The following ASCC3 variants were observed in gnomAD, a reference collection of about 807,000 sequenced individuals.
ASCC3 encodes the protein activating signal cointegrator 1 complex subunit 3.
ASCC3 carries 158 observed loss-of-function variants against 256.3 expected under a neutral mutation model. That is an observed-to-expected ratio of 0.62 (90% CI 0.54 to 0.70). ASCC3 has a LOEUF of 0.70. Ranked by LOEUF, ASCC3 falls within the 30% of genes least tolerant of loss-of-function variation. The probability of loss-of-function intolerance (pLI) is 0.00; values close to 1 mark genes in which losing one functional copy is unlikely to be tolerated. For synonymous variants in ASCC3, 948 were observed against 883.4 expected, an observed-to-expected ratio of 1.07 and a Z score of -1.30; for missense variants, 2,259 against 2,626.0, an observed-to-expected ratio of 0.86 and a Z score of 3.05.
intron 4 of ASCC3, among the ~76,000 whole-genome samples, chr6:100,821,769 A>G (rs1296351160): frequency 6.6e-6 from 1 of 152,130 alleles, no homozygotes; most frequent in Non-Finnish European, 1.5e-5. Flanking sequence ...GGTTGTAGTA[A>G]GCCAAGATTG....
Position 100,627,693 on chromosome 6 carries a change from G to C in ASCC3, c.4539C>G (p.Phe1513Leu). 6.2e-7 allele frequency: 1 copy of C among 1,613,612 alleles called. No homozygotes were observed. Among genetic ancestry groups the C allele is most frequent in the Non-Finnish European group, 8.5e-7 (1 of 1,179,770 alleles). Residue 1513 changes from phenylalanine (F) to leucine (L), a missense_variant, in exon 29 of 42, where the codon TTC becomes TTG. Phe to Leu is a conservative substitution (Grantham distance 22, BLOSUM62 0). Around this residue, in one of 2 missense-constraint regions of ASCC3, gnomAD observed 1,839 missense variants for 2,206.7 expected, o/e 0.83. Coordinates refer to ENST00000369162, the MANE Select transcript of ASCC3 (RefSeq NM_006828.4). ...LNIKQMGLFN[F>L]RPSVRPVPLE... Reference sequence around the variant, plus strand: ...GTGGAACTGGGCGTACTGATGGTCGGAAGTTAAACAAGCCCATCTAGAGTA... The same window carrying C: ...GTGGAACTGGGCGTACTGATGGTCGCAAGTTAAACAAGCCCATCTAGAGTA...
Position 100,758,564 on chromosome 6 carries a change from G to T in ASCC3, c.1737+8001C>A, listed in dbSNP as rs886167220. ...TCATCCATGTCCCTGCAAAGGACAT[G>T]ATCTCATTCCTTTTTATGGCTGCAT... On this transcript the variant is annotated intron_variant, in intron 10 of 41. Transcript: ENST00000369162. 5.9e-5 allele frequency among the ~76,000 whole-genome samples: 9 copies of T among 152,128 alleles called. 1 individual carries two copies. In the South Asian group the frequency reaches 1.9e-3, roughly 32 times the overall value.
At chr6:100,670,363 A>G in intron 14 of ASCC3, among the ~76,000 whole-genome samples, 1 of 152,082 alleles carries the variant, frequency 6.6e-6, no homozygotes, top group East Asian at 1.9e-4. Flanking sequence ...ACCACAAACC[A>G]TGGATGCTTA....
intron 29 of ASCC3, among the ~76,000 whole-genome samples, chr6:100,627,180 G>T (rs1240132320): frequency 1.3e-5 from 2 of 152,088 alleles, no homozygotes; most frequent in Non-Finnish European, 2.9e-5. Flanking sequence ...TTTGTTAGAA[G>T]AGGAAAAACT....
intron 14 of ASCC3, among the ~76,000 whole-genome samples, chr6:100,665,442 T>C (rs1345706133): frequency 6.6e-6 from 1 of 151,998 alleles, no homozygotes; most frequent in Non-Finnish European, 1.5e-5. Context: ...AACTGGAATC[T>C]GGCCGGGCAC....
intron 30 of ASCC3, among the ~76,000 whole-genome samples, chr6:100,623,933 AG>A (rs1774095038): frequency 6.6e-6 from 1 of 150,968 alleles, no homozygotes; most frequent in South Asian, 2.1e-4. Flanking sequence ...ACATGGACAC[AG>A]GAAGGGGAAC....
intron 37 of ASCC3, among the ~76,000 whole-genome samples, chr6:100,528,402 T>C (rs970959015): frequency 6.6e-6 from 1 of 152,176 alleles, no homozygotes; most frequent in African/African-American, 2.4e-5. Context: ...GGTATAGACA[T>C]ACAATTCATA....
At chr6:100,519,794 T>A (rs948130507) in intron 37 of ASCC3, among the ~76,000 whole-genome samples, 30 of 152,132 alleles carry the variant, frequency 2.0e-4, no homozygotes, top group African/African-American at 7.2e-4. Flanking sequence ...CATGATGAAG[T>A]TGAAAGATTT....
intron 5 of ASCC3, among the ~76,000 whole-genome samples, chr6:100,803,934 T>C (rs1482499389): frequency 1.3e-5 from 2 of 152,102 alleles, no homozygotes; most frequent in South Asian, 2.1e-4. Flanking sequence ...CCAAAACTAT[T>C]TGTAAGGCTG....
At chr6:100,788,309 G>T (rs914998968) in intron 8 of ASCC3, among the ~76,000 whole-genome samples, 1 of 151,746 alleles carries the variant, frequency 6.6e-6, no homozygotes, top group Non-Finnish European at 1.5e-5. Flanking sequence ...TTTTTAAACC[G>T]ACAATATTAT....
intron 26 of ASCC3, 93 bp downstream of exon 26, chr6:100,631,035 C>T: frequency 1.1e-6 from 1 of 895,452 alleles, no homozygotes; most frequent in South Asian, 1.5e-5. Context: ...ATGAAAATCA[C>T]TGTAAAACCA....
At chr6:100,509,703 A>G (rs190711306) in intron 41 of ASCC3, among the ~76,000 whole-genome samples, 170 bp from the exon 42 acceptor site, 2,329 of 152,208 alleles carry the variant, frequency 0.015, 26 homozygotes, top group East Asian at 0.045. Context: ...GATGGAGACC[A>G]CGGTGAAACC....
chr6:100,525,642 TAAGTA>T (rs941849080), intron 37 of ASCC3, among the ~76,000 whole-genome samples: 10 of 152,130 alleles, frequency 6.6e-5, no homozygotes, highest in African/African-American at 2.4e-4. Flanking sequence ...GAATTGTGAA[TAAGTA>T]TAGACTTTAG....
chr6:100,557,598 A>G (rs9485165), intron 36 of ASCC3, among the ~76,000 whole-genome samples: 103,131 of 151,236 alleles, frequency 0.68, 36,573 homozygotes, highest in African/African-American at 0.88. Context: ...CAGCTTTTAC[A>G]GTTGCTGTTT....
chr6:100,531,078 CATAGT>C lies in ASCC3; in HGVS notation c.5775+9080_5775+9084del, dbSNP rs990202746. 3.1e-5 allele frequency: 42 copies of C among 1,335,268 alleles called. No individual in the cohort carries two copies. The Admixed American group carries it at 5.6e-4, about 18-fold the overall frequency. The allele number at this position is 1,335,268 out of a possible 1,614,324, so 82.7% of individuals were successfully genotyped here. A position where few individuals can be genotyped will look rare whatever the true frequency, so the allele number is the denominator to read the frequency against. ...CACTAAAGGAATCTTCTAGAACGTA[CATAGT>C]CTGTACAATAAATACAACAGAAAAT... On this transcript the variant is annotated intron_variant, in intron 37 of 41. Coordinates refer to ENST00000369162, the MANE Select transcript of ASCC3 (RefSeq NM_006828.4).
chr6:100,833,140 G>T (rs1771701721), intron 4 of ASCC3, among the ~76,000 whole-genome samples: 1 of 151,992 alleles, frequency 6.6e-6, no homozygotes, highest in African/African-American at 2.4e-5. Flanking sequence ...ACACACAACT[G>T]TCAAGCCATG....
chr6:100,722,615 T>C (rs1779395169), intron 11 of ASCC3, among the ~76,000 whole-genome samples: 1 of 151,794 alleles, frequency 6.6e-6, no homozygotes, highest in African/African-American at 2.4e-5. Flanking sequence ...CTGGTACATG[T>C]GTAAGTGTTT....
At chr6:100,766,447 T>C in intron 10 of ASCC3, 118 bp downstream of exon 10, 1 of 1,107,896 alleles carries the variant, frequency 9.0e-7, no homozygotes, top group Non-Finnish European at 1.3e-6. Flanking sequence ...AAATAAAAGT[T>C]CACTATATTA....
intron 8 of ASCC3, among the ~76,000 whole-genome samples, chr6:100,793,961 A>G (rs1454637381): frequency 1.5e-4 from 23 of 152,044 alleles, no homozygotes; most frequent in Admixed American, 1.5e-3. Context: ...CAAAACAAAA[A>G]GCCTATATCT....
Sources: gnomAD v4.1 joint callset for allele counts (sites outside exome capture counted in the v4.1 genomes callset) on GRCh38, gnomAD v4.1.1 for gene constraint, gnomAD v4.1.1 regional missense constraint, MANE v1.5 for transcripts, NCBI Gene and HGNC (gene_info 2026-07-23, HGNC 2026-07-21) for gene names.